CAMK2D: variants seen among roughly 807,000 people sequenced by gnomAD.
CAMK2D encodes calcium/calmodulin-dependent protein kinase type II subunit delta.
Under a neutral mutation model 84.0 loss-of-function variants are expected in CAMK2D, and 37 were observed. The observed-to-expected ratio is 0.44, with a 90% CI of 0.34 to 0.58. CAMK2D has a LOEUF of 0.58. Ranked by LOEUF, CAMK2D falls within the 20% of genes least tolerant of loss-of-function variation. The pLI, the probability that CAMK2D is intolerant of heterozygous loss-of-function variation, is 0.02. For synonymous variants in CAMK2D, 202 were observed against 212.5 expected (o/e 0.95, Z 0.43); for missense variants, 448 against 652.5 (o/e 0.69, Z 3.41).
At chr4:113,605,524 C>G (rs919677881) in intron 4 of CAMK2D, among the ~76,000 whole-genome samples, 5 of 152,180 alleles carry the variant, frequency 3.3e-5, no homozygotes, top group African/African-American at 1.2e-4. Flanking sequence ...GTAATGAGAA[C>G]TCACAAAAGT....
intron 4 of CAMK2D, among the ~76,000 whole-genome samples, chr4:113,571,702 C>T (rs2098754377): frequency 6.6e-6 from 1 of 152,136 alleles, no homozygotes; most frequent in African/African-American, 2.4e-5. Flanking sequence ...GGCAAAACCC[C>T]ATCTCTACTA....
chr4:113,610,473 A>G (rs2154267543), intron 3 of CAMK2D, among the ~76,000 whole-genome samples: 1 of 152,358 alleles, frequency 6.6e-6, no homozygotes, highest in South Asian at 2.1e-4. Flanking sequence ...TATTTATACA[A>G]GGAGACTGTA....
Position 113,702,905 on chromosome 4 carries a change from AT to A in CAMK2D, c.161-41134del, listed in dbSNP as rs577135267. Among the ~76,000 whole-genome samples, 247 of 143,270 alleles carry A rather than the reference AT, an allele frequency of 1.7e-3. 1 individual carries two copies. The highest frequency in any genetic ancestry group is 7.1e-3 in the African/African-American group (235 of 33,138). 94.0% of individuals were successfully genotyped at this position (143,270 alleles called of 152,430 possible). On this transcript the variant is annotated intron_variant, in intron 2 of 20. Coordinates refer to ENST00000511664, the MANE Select transcript of CAMK2D (RefSeq NM_001321571.2). Reference sequence around the variant, plus strand: ...CAGAACGAGACTCTTATCTTAAAATATATATATATACATAAGTGATTTTACA... The same window carrying A: ...CAGAACGAGACTCTTATCTTAAAATAATATATATACATAAGTGATTTTACA...
intron 19 of CAMK2D, 32 bp from the exon 20 acceptor site, chr4:113,455,853 G>C: frequency 7.4e-7 from 1 of 1,353,628 alleles, no homozygotes; most frequent in Non-Finnish European, 1.1e-6. Flanking sequence ...AAGCCACCTG[G>C]CATAAAATGA....
chr4:113,604,783 T>C (rs998753132), intron 4 of CAMK2D, among the ~76,000 whole-genome samples: 3 of 152,198 alleles, frequency 2.0e-5, no homozygotes, highest in Admixed American at 6.5e-5. Context: ...GCTGAATTTC[T>C]AAAAAATGAT....
intron 13 of CAMK2D, among the ~76,000 whole-genome samples, chr4:113,508,984 A>C (rs1192354839): frequency 6.6e-6 from 1 of 152,222 alleles, no homozygotes; most frequent in African/African-American, 2.4e-5. Context: ...CATTCCAACA[A>C]GAGTAAATCC....
chr4:113,655,475 A>G (rs2099195236), intron 3 of CAMK2D, among the ~76,000 whole-genome samples: 1 of 152,044 alleles, frequency 6.6e-6, no homozygotes, highest in Non-Finnish European at 1.5e-5. Flanking sequence ...TAGCTCTTCC[A>G]TTTGCTCTCT....
rs1226258812 is a variant in CAMK2D, at chr4:113,454,266, T to G, written c.*279A>C. On this transcript the variant is annotated 3_prime_UTR_variant, in exon 21 of 21. Coordinates refer to ENST00000511664, the MANE Select transcript of CAMK2D (RefSeq NM_001321571.2). The stretch of plus-strand genomic sequence containing the variant: ...TTGGAATATTGTGGATTTTTTTTTT[T>G]GTCTAATCTCCCCCTATTGTTTTGC... 6 of 325,030 alleles carry G rather than the reference T, an allele frequency of 1.8e-5. No homozygotes were observed. Among genetic ancestry groups the G allele is most frequent in the Admixed American group, 1.5e-4 (3 of 20,312 alleles). The allele number at this position is 325,030 out of a possible 1,614,324, so 20.1% of individuals were successfully genotyped here. A position where few individuals can be genotyped will look rare whatever the true frequency, so the allele number is the denominator to read the frequency against.
chr4:113,713,841 T>A (rs2099503008), intron 2 of CAMK2D, among the ~76,000 whole-genome samples: 1 of 151,952 alleles, frequency 6.6e-6, no homozygotes, highest in African/African-American at 2.4e-5. Context: ...GGCTTACATA[T>A]TTACATGTAG....
chr4:113,644,422 A>G, intron 3 of CAMK2D, among the ~76,000 whole-genome samples: 1 of 152,234 alleles, frequency 6.6e-6, no homozygotes, highest in Non-Finnish European at 1.5e-5. Flanking sequence ...GAAAATGAAT[A>G]AAGGGAAGCC....
intron 3 of CAMK2D, among the ~76,000 whole-genome samples, chr4:113,635,571 A>G (rs964050935): frequency 5.3e-5 from 8 of 152,206 alleles, no homozygotes; most frequent in African/African-American, 1.9e-4. Context: ...AGTCCATTGT[A>G]CTTGAAAGCT....
intron 5 of CAMK2D, among the ~76,000 whole-genome samples, chr4:113,551,494 T>A (rs1360305773): frequency 3.3e-5 from 5 of 152,222 alleles, no homozygotes; most frequent in African/African-American, 1.2e-4. Flanking sequence ...GTTTTCTGAT[T>A]AGATATTCAT....
At chr4:113,501,054 C>T (rs1007550500) in intron 15 of CAMK2D, among the ~76,000 whole-genome samples, 1 of 152,014 alleles carries the variant, frequency 6.6e-6, no homozygotes, top group Non-Finnish European at 1.5e-5. Context: ...CTGAGATATG[C>T]TGAAAGTACT....
At chr4:113,753,942 A>C in intron 2 of CAMK2D, 3 of 982,236 alleles carry the variant, frequency 3.1e-6, no homozygotes, top group South Asian at 4.7e-5. Context: ...TTCATGCTTG[A>C]ATTGTAATGC....
chr4:113,757,695 T>C (rs1194266565), intron 2 of CAMK2D, among the ~76,000 whole-genome samples: 1 of 152,124 alleles, frequency 6.6e-6, no homozygotes, highest in Non-Finnish European at 1.5e-5. Flanking sequence ...ATGTAGGTAG[T>C]TCTTTGAAGC....
chr4:113,722,140 T>G lies in CAMK2D; in HGVS notation c.160+37180A>C, dbSNP rs188564262. Among the ~76,000 whole-genome samples the G allele has an allele frequency of 4.6e-3, 688 of 147,984 alleles. 9 individuals are homozygous for G. Among genetic ancestry groups the G allele is most frequent in the Middle Eastern group, 0.017 (5 of 294 alleles). ...CAAACTTAAGAGAGTATAGAAAAAG[T>G]TTTTTGCTTTTCTTCCCTACATTAA... On this transcript the variant is annotated intron_variant, in intron 2 of 20. Transcript: ENST00000511664.
chr4:113,520,796 T>C (rs538651991), intron 8 of CAMK2D, among the ~76,000 whole-genome samples: 67 of 152,178 alleles, frequency 4.4e-4, no homozygotes, highest in African/African-American at 1.5e-3. Flanking sequence ...GGGAGGCTGA[T>C]GTAGGAGGAT....
At chr4:113,682,116 CA>C (rs1217075686) in intron 2 of CAMK2D, among the ~76,000 whole-genome samples, 2 of 152,104 alleles carry the variant, frequency 1.3e-5, no homozygotes, top group Non-Finnish European at 2.9e-5. Context: ...TAATGCTGTA[CA>C]GGTAACTGCA....
chr4:113,474,720 C>T (rs2097584902), intron 16 of CAMK2D, among the ~76,000 whole-genome samples: 1 of 150,640 alleles, frequency 6.6e-6, no homozygotes, highest in Non-Finnish European at 1.5e-5. Context: ...GATCTCGGCT[C>T]ACTGCAACCT....
Sources: gnomAD v4.1 joint callset for allele counts (sites outside exome capture counted in the v4.1 genomes callset) on GRCh38, gnomAD v4.1.1 for gene constraint, MANE v1.5 for transcripts, NCBI Gene and HGNC (gene_info 2026-07-23, HGNC 2026-07-21) for gene names.